The following TNK2 variants were observed in gnomAD, a reference collection of about 807,000 sequenced individuals.
TNK2 encodes the protein activated CDC42 kinase 1.
Under a neutral mutation model 101.8 loss-of-function variants are expected in TNK2, and 83 were observed. The observed-to-expected ratio is 0.82, with a 90% CI of 0.68 to 0.98. TNK2 has a LOEUF of 0.98. Among genes scored for constraint, TNK2 ranks in the 50% least tolerant of loss-of-function variants. The pLI is 0.00. For synonymous variants in TNK2, 804 were observed against 633.0 expected (o/e 1.27, Z -4.06); for missense variants, 1,665 against 1,483.2 (o/e 1.12, Z -2.01).
At chr3:195,895,786 G>GT (rs1760323526) in intron 1 of TNK2, 1 of 219,914 alleles carries the variant, frequency 4.5e-6, no homozygotes, top group Non-Finnish European at 8.7e-6. Context: ...AGGGGCCTCC[G>GT]TCCGACTCCA....
At chr3:195,887,995 C>T (rs992726632) in intron 2 of TNK2, among the ~76,000 whole-genome samples, 7 of 151,536 alleles carry the variant, frequency 4.6e-5, no homozygotes, top group Admixed American at 2.0e-4. Context: ...CGTGTGCATG[C>T]GTGTGTGCGT....
chr3:195,878,658 C>T lies in TNK2; in HGVS notation c.1015-66G>A, dbSNP rs903624912. The T allele has an allele frequency of 7.0e-6, 11 of 1,568,290 alleles. No individual in the cohort carries two copies. In the African/African-American group the frequency reaches 1.2e-4, roughly 17 times the overall value. ...GCCCAGCCCTTCACTTCCCGCCTTC[C>T]CTCCAGCCCATCCACAGCTGCAGCG... On this transcript the variant is annotated intron_variant, in intron 7 of 15. Coordinates refer to ENST00000672887, the MANE Select transcript of TNK2 (RefSeq NM_001382273.1). The surrounding 1 kb of genome is among the most constrained non-coding windows in gnomAD (Gnocchi z 4.7).
Position 195,867,945 on chromosome 3 carries a change from G to T in TNK2, c.2353C>A (p.Pro785Thr). The change falls in exon 13 of 16, where the codon CCT (proline) becomes ACT (threonine). Residue 785 changes from proline (P) to threonine (T), a missense_variant. Pro to Thr is a conservative substitution (Grantham distance 38). Transcript: ENST00000672887. ...ACCCGGGGAGGGGAAGCAGGTCCAG[G>T]CCACTGGCTGGTCTCCTCCTCGCCC... ...PPGEEETSQW[P>T]GPASPPRVPP... 1 of 1,543,116 alleles carries T rather than the reference G, an allele frequency of 6.5e-7. No homozygotes were observed. Among genetic ancestry groups the T allele is most frequent in the Non-Finnish European group, 8.6e-7 (1 of 1,156,712 alleles).
At chr3:195,894,453 T>C (rs1759808708) in intron 1 of TNK2, 2 of 151,444 alleles carry the variant, frequency 1.3e-5, no homozygotes, top group Non-Finnish European at 1.5e-5. Context: ...TCTTGCTCTA[T>C]CGCCCAGGCT....
In TNK2 at chr3:195,870,166, C is replaced by T; in HGVS notation, c.1491G>A (p.Leu497=). 1 of 1,521,274 alleles carries T rather than the reference C, an allele frequency of 6.6e-7. No homozygotes were observed. Among genetic ancestry groups the T allele is most frequent in the Non-Finnish European group, 8.9e-7 (1 of 1,129,490 alleles). 94.2% of individuals were successfully genotyped at this position (1,521,274 alleles called of 1,614,324 possible). A position where few individuals can be genotyped will look rare whatever the true frequency, so the allele number is the denominator to read the frequency against. The change falls in exon 11 of 16, where the codon CTG becomes CTA. Residue 497 remains leucine, a synonymous_variant. Coordinates refer to ENST00000672887, the MANE Select transcript of TNK2 (RefSeq NM_001382273.1). ...GCCGGGAGGTGCTCAGTTCCACGCT[C>T]AGGAGGTCGGGGGGGTCCATGGGGT... The part of the protein sequence containing the change: ...LGNPMDPPDL[L]SVELSTSRPP...
chr3:195,869,274 C>CGA (rs1235074966), intron 12 of TNK2: 6 of 610,244 alleles, frequency 9.8e-6, no homozygotes, highest in Non-Finnish European at 1.8e-5. Context: ...GGAGTGAGGC[C>CGA]GAGGCGGAAG....
At chr3:195,884,686 G>C in intron 4 of TNK2, 126 bp downstream of exon 4, 1 of 803,372 alleles carries the variant, frequency 1.2e-6, no homozygotes, top group Non-Finnish European at 1.9e-6. Flanking sequence ...CCTGAGCACG[G>C]ACTCTGGGAT....
intron 9 of TNK2, 56 bp from the exon 10 acceptor site, chr3:195,872,526 TG>T: frequency 6.6e-7 from 1 of 1,517,552 alleles, no homozygotes. Context: ...GCCCCGGCAC[TG>T]GGACCCTCCT....
At chr3:195,891,272 G>T (rs901912894) in intron 1 of TNK2, among the ~76,000 whole-genome samples, 8 of 152,202 alleles carry the variant, frequency 5.3e-5, no homozygotes, top group African/African-American at 1.7e-4. Context: ...CGGGCCTGGT[G>T]GCACATGCCT....
In TNK2 at chr3:195,867,430, A is replaced by C. The variant is rs1344813915; in HGVS notation, c.2868T>G (p.Ala956=). 6.2e-7 allele frequency: 1 copy of C among 1,600,034 alleles called. No individual in the cohort carries two copies. Among genetic ancestry groups the C allele is most frequent in the South Asian group, 1.1e-5 (1 of 90,294 alleles). ...CAGGGCAGCCCCTCTGTGGCAGCCG[A>C]GCAGTGGCCCTCGGGGGTGGTGGCC... ...GARPPPPRAT[A]RLPQRGCPGD... Residue 956 remains alanine, a synonymous_variant, in exon 13 of 16, where the codon GCT becomes GCG. Transcript: ENST00000672887.
intron 15 of TNK2, among the ~76,000 whole-genome samples, chr3:195,865,579 T>TATGG (rs1740193455): frequency 2.3e-5 from 3 of 131,120 alleles, no homozygotes; most frequent in East Asian, 4.6e-4. Context: ...CCCGAGACAG[T>TATGG]GACAGACAGG....
At chr3:195,905,944 T>TA (rs1396265516) in intron 1 of TNK2, among the ~76,000 whole-genome samples, 5 of 152,214 alleles carry the variant, frequency 3.3e-5, no homozygotes, top group Non-Finnish European at 7.3e-5. Context: ...AAAAGGCTTA[T>TA]ATCCAGAATA....
intron 1 of TNK2, among the ~76,000 whole-genome samples, chr3:195,900,222 G>C (rs1660091287): frequency 6.6e-6 from 1 of 151,982 alleles, no homozygotes; most frequent in South Asian, 2.1e-4. Context: ...AGGGGGCCTG[G>C]GTCTGTCAGG....
At chr3:195,891,664 C>A (rs9854951) in intron 1 of TNK2, among the ~76,000 whole-genome samples, 21 of 152,012 alleles carry the variant, frequency 1.4e-4, no homozygotes, top group South Asian at 1.0e-3. Flanking sequence ...TGACCCCCCC[C>A]CTCCAGGGCT....
At chr3:195,884,568 G>A (rs376553106) in intron 4 of TNK2, 22 of 450,834 alleles carry the variant, frequency 4.9e-5, no homozygotes, top group Middle Eastern at 5.8e-4. Context: ...GCTTGAACCC[G>A]GAAAGTGGAG....
chr3:195,905,549 T>G (rs1047678169), intron 1 of TNK2, among the ~76,000 whole-genome samples: 1 of 152,044 alleles, frequency 6.6e-6, no homozygotes, highest in Non-Finnish European at 1.5e-5. Context: ...GAGAGATACA[T>G]CTTTTTAATA....
chr3:195,889,887 T>C (rs1047907384), intron 1 of TNK2, among the ~76,000 whole-genome samples: 4 of 152,192 alleles, frequency 2.6e-5, no homozygotes, highest in African/African-American at 9.7e-5. Flanking sequence ...AAAGGCCAGC[T>C]GCCCGGCTGG....
intron 1 of TNK2, chr3:195,895,369 A>C (rs1326638945): frequency 7.7e-6 from 12 of 1,553,738 alleles, no homozygotes; most frequent in Non-Finnish European, 1.0e-5. Context: ...CCGCAGCGGC[A>C]CCGGCAGCGT....
intron 2 of TNK2, among the ~76,000 whole-genome samples, chr3:195,887,526 T>C (rs1756240788): frequency 6.6e-6 from 1 of 152,236 alleles, no homozygotes; most frequent in African/African-American, 2.4e-5. Context: ...AGTGTCTAAC[T>C]TGACACATTA....
Sources: allele counts gnomAD v4.1 joint callset (sites outside exome capture counted in the v4.1 genomes callset), GRCh38; gene constraint gnomAD v4.1.1; non-coding constraint Gnocchi (gnomAD v3.1); transcripts MANE v1.5; gene names NCBI Gene and HGNC (gene_info 2026-07-23, HGNC 2026-07-21).